The following BMAL1 variants were observed in gnomAD, a reference collection of about 807,000 sequenced individuals.
The protein encoded by BMAL1 is basic helix-loop-helix ARNT-like protein 1.
At chr11:13,314,892 C>G in the BMAL1 span, among the ~76,000 whole-genome samples, 4 of 152,278 alleles carry the variant, frequency 2.6e-5, no homozygotes, top group East Asian at 7.7e-4. Flanking sequence ...GAAGCTCTGA[C>G]CCCAGGGGTC....
At chr11:13,297,055 A>G in the BMAL1 span, among the ~76,000 whole-genome samples, 11 of 152,190 alleles carry the variant, frequency 7.2e-5, no homozygotes, top group South Asian at 6.2e-4. Context: ...CTCCTCTTAC[A>G]TAGCCACAGC....
the BMAL1 span, among the ~76,000 whole-genome samples, chr11:13,331,260 T>C: frequency 6.6e-6 from 1 of 151,554 alleles, no homozygotes; most frequent in African/African-American, 2.4e-5. Context: ...AAAATGAGAG[T>C]GGGGAATTTT....
the BMAL1 span, among the ~76,000 whole-genome samples, chr11:13,369,265 C>T: frequency 6.6e-5 from 10 of 152,262 alleles, no homozygotes; most frequent in South Asian, 1.9e-3. Context: ...TTATTTGGCA[C>T]TAATCATACA....
At chr11:13,354,215 A>ACCC in the BMAL1 span, 3 of 1,104,418 alleles carry the variant, frequency 2.7e-6, no homozygotes, top group Non-Finnish European at 3.7e-6. Flanking sequence ...CCACCACCAA[A>ACCC]CCCCCAAGCA....
the BMAL1 span, among the ~76,000 whole-genome samples, chr11:13,285,192 A>ATT: frequency 6.6e-6 from 1 of 152,182 alleles, no homozygotes; most frequent in Admixed American, 6.5e-5. Flanking sequence ...TAATGAGCAA[A>ATT]TTACCATATC....
chr11:13,386,770 C>G, the BMAL1 span: 1 of 1,611,754 alleles, frequency 6.2e-7, no homozygotes, highest in Admixed American at 1.7e-5. Flanking sequence ...CTACATGTTG[C>G]TTTGGCAACA....
chr11:13,384,959 C>T, the BMAL1 span, among the ~76,000 whole-genome samples: 2 of 152,108 alleles, frequency 1.3e-5, no homozygotes, highest in African/African-American at 2.4e-5. Context: ...TAGACCAAAA[C>T]GTTGCTGTGG....
chr11:13,279,029 T>C, the BMAL1 span, among the ~76,000 whole-genome samples: 2 of 152,202 alleles, frequency 1.3e-5, no homozygotes, highest in Admixed American at 6.5e-5. Flanking sequence ...GCGCCTGCTG[T>C]CAAGTTCTCG....
the BMAL1 span, among the ~76,000 whole-genome samples, chr11:13,281,458 A>C: frequency 2.6e-5 from 4 of 152,044 alleles, no homozygotes; most frequent in African/African-American, 9.7e-5. Flanking sequence ...CTTTGTCGTG[A>C]GTTCCTGGGG....
chr11:13,284,313 A>T, the BMAL1 span, among the ~76,000 whole-genome samples: 1 of 146,090 alleles, frequency 6.8e-6, no homozygotes, highest in Non-Finnish European at 1.5e-5. Flanking sequence ...TTAGATAGTA[A>T]GGGACACATT....
the BMAL1 span, among the ~76,000 whole-genome samples, chr11:13,371,259 C>T: frequency 9.9e-5 from 15 of 152,152 alleles, no homozygotes; most frequent in Middle Eastern, 3.4e-3. Context: ...TATCTTTTTT[C>T]TCTCTCTCTC....
chr11:13,315,662 C>G, the BMAL1 span, among the ~76,000 whole-genome samples: 1 of 152,198 alleles, frequency 6.6e-6, no homozygotes, highest in Non-Finnish European at 1.5e-5. Context: ...TTTTCCAGCA[C>G]TTGTCATGGA....
chr11:13,360,214 GGCCTAAACAATAAA>G, the BMAL1 span: 3 of 716,258 alleles, frequency 4.2e-6, no homozygotes, highest in Non-Finnish European at 7.0e-6. Flanking sequence ...TCTCAGTTAA[GGCCTAAACAATAAA>G]ATTTAAATAC....
the BMAL1 span, among the ~76,000 whole-genome samples, chr11:13,297,152 G>C: frequency 6.6e-6 from 1 of 152,246 alleles, no homozygotes; most frequent in Non-Finnish European, 1.5e-5. Flanking sequence ...TAGTTCGTTT[G>C]AATGGCTCCC....
the BMAL1 span, chr11:13,365,382 CTG>C: frequency 3.9e-6 from 3 of 764,728 alleles, no homozygotes; most frequent in African/African-American, 3.5e-5. Flanking sequence ...ATCACTGAAA[CTG>C]TTAGTGTTCC....
the BMAL1 span, chr11:13,366,566 A>C: frequency 4.4e-6 from 5 of 1,128,188 alleles, no homozygotes; most frequent in Non-Finnish European, 6.5e-6. Context: ...TCATGCACAA[A>C]AACACAAAGG....
At chr11:13,340,666 C>T in the BMAL1 span, among the ~76,000 whole-genome samples, 1 of 152,152 alleles carries the variant, frequency 6.6e-6, no homozygotes, top group Admixed American at 6.5e-5. Flanking sequence ...TCCCAGGGGT[C>T]AATGTCCTGG....
chr11:13,361,380 T>A, the BMAL1 span, among the ~76,000 whole-genome samples: 1 of 150,608 alleles, frequency 6.6e-6, no homozygotes. Flanking sequence ...TGTAAACAGA[T>A]GAATAGAAAA....
chr11:13,336,807 T>C, the BMAL1 span, among the ~76,000 whole-genome samples: 2 of 152,206 alleles, frequency 1.3e-5, no homozygotes, highest in Admixed American at 6.5e-5. Context: ...TTGGTGGTCA[T>C]GTGTGGGCTG....
Sources: allele counts gnomAD v4.1 joint callset (sites outside exome capture counted in the v4.1 genomes callset), GRCh38; gene constraint gnomAD v4.1.1; transcripts MANE v1.5; gene names NCBI Gene and HGNC (gene_info 2026-07-23, HGNC 2026-07-21).